Variants in ANKRD6 observed in about 807,000 individuals in gnomAD.
The protein encoded by ANKRD6 is ankyrin repeat domain 6.
In ANKRD6, 56 loss-of-function variants were observed where a neutral mutation model predicts 82.3. That is an observed-to-expected ratio of 0.68 (90% CI 0.55 to 0.85). The LOEUF is 0.85. ANKRD6 is among the 40% of genes least tolerant of loss of function. The probability of loss-of-function intolerance (pLI) is 0.00; values close to 1 mark genes in which losing one functional copy is unlikely to be tolerated. For missense variants in ANKRD6, 852 were observed against 907.6 expected, an observed-to-expected ratio of 0.94 and a Z score of 0.79; for synonymous variants, 347 against 352.1, an observed-to-expected ratio of 0.99 and a Z score of 0.16.
chr6:89,581,534 C>G (rs879277095), intron 2 of ANKRD6: 5 of 152,390 alleles, frequency 3.3e-5, no homozygotes, highest in Non-Finnish European at 5.9e-5. Flanking sequence ...ACCTTTCTAG[C>G]CTTCTCTCCA....
intron 2 of ANKRD6, among the ~76,000 whole-genome samples, chr6:89,572,157 T>A (rs561877037): frequency 6.6e-6 from 1 of 152,378 alleles, no homozygotes; most frequent in East Asian, 1.9e-4. Flanking sequence ...ATACTACAGT[T>A]TTGGAAGCAT....
chr6:89,445,735 C>T (rs1036954571), intron 1 of ANKRD6, among the ~76,000 whole-genome samples: 1 of 151,942 alleles, frequency 6.6e-6, no homozygotes, highest in Admixed American at 6.6e-5. Context: ...TAAGCCACTG[C>T]GCCTGGCTCA....
At chr6:89,570,066 T>TGTGTGC (rs1475395443) in intron 2 of ANKRD6, among the ~76,000 whole-genome samples, 1 of 149,252 alleles carries the variant, frequency 6.7e-6, no homozygotes, top group Non-Finnish European at 1.5e-5. Context: ...TGTGTATATG[T>TGTGTGC]GTGTGTGTGT....
chr6:89,522,622 G>A (rs896729785), intron 1 of ANKRD6, among the ~76,000 whole-genome samples: 2 of 152,162 alleles, frequency 1.3e-5, no homozygotes, highest in Non-Finnish European at 2.9e-5. Flanking sequence ...ATTTAGTTAA[G>A]CTTTGCTAAA....
intron 1 of ANKRD6, among the ~76,000 whole-genome samples, chr6:89,547,242 T>A (rs150668040): frequency 6.6e-6 from 1 of 151,838 alleles, no homozygotes; most frequent in East Asian, 1.9e-4. Flanking sequence ...TTGAGGCAGA[T>A]GTAGGGGGCA....
chr6:89,626,055 GC>G (rs1805568190), intron 13 of ANKRD6, among the ~76,000 whole-genome samples: 1 of 152,008 alleles, frequency 6.6e-6, no homozygotes, highest in Admixed American at 6.6e-5. Flanking sequence ...AAAAGTTTTT[GC>G]CAAATTGATT....
intron 2 of ANKRD6, chr6:89,581,658 G>A (rs980181145): frequency 3.9e-5 from 2 of 51,830 alleles, no homozygotes; most frequent in African/African-American, 4.8e-5. Context: ...AAAGGGAAAA[G>A]TGGGGGAGTG....
At chr6:89,471,225 G>A (rs574585825) in intron 1 of ANKRD6, among the ~76,000 whole-genome samples, 6 of 151,990 alleles carry the variant, frequency 3.9e-5, no homozygotes, top group African/African-American at 7.2e-5. Context: ...GGTGGCAGGC[G>A]CCTGTAATCC....
intron 1 of ANKRD6, chr6:89,483,557 C>T (rs1167569307): frequency 1.3e-5 from 2 of 152,268 alleles, no homozygotes; most frequent in Non-Finnish European, 2.9e-5. Flanking sequence ...AGGGAAGTCC[C>T]CGTAAGTATT....
intron 2 of ANKRD6, among the ~76,000 whole-genome samples, chr6:89,575,355 C>T (rs977157124): frequency 6.6e-6 from 1 of 152,036 alleles, no homozygotes; most frequent in African/African-American, 2.4e-5. Context: ...ATTGAGGGGC[C>T]AGAGATAGGA....
rs571955357 is a variant in ANKRD6 at position 89,440,899 on chromosome 6, T to G, written c.-144+7524T>G. ...ATGCCTGTTTCATTCCTTTGCATGGTGTCTATAGCTGCTTTCAACTGCTAT... is the reference window on the plus strand; with the variant it reads ...ATGCCTGTTTCATTCCTTTGCATGGGGTCTATAGCTGCTTTCAACTGCTAT... On this transcript the variant is annotated intron_variant, in intron 1 of 15. Transcript: ENST00000339746. Among the ~76,000 whole-genome samples the G allele has an allele frequency of 5.9e-5, 9 of 152,242 alleles. 1 individual carries two copies. In the South Asian group the frequency reaches 1.9e-3, roughly 32 times the overall value.
intron 3 of ANKRD6, among the ~76,000 whole-genome samples, chr6:89,597,663 G>A (rs1562974879): frequency 6.6e-6 from 1 of 152,228 alleles, no homozygotes; most frequent in Non-Finnish European, 1.5e-5. Flanking sequence ...CGTGTCAGCA[G>A]AAGAAAAGCC....
chr6:89,476,409 G>A (rs961052148), intron 1 of ANKRD6, among the ~76,000 whole-genome samples: 1 of 151,990 alleles, frequency 6.6e-6, no homozygotes, highest in Non-Finnish European at 1.5e-5. Flanking sequence ...GGCTGGTCTC[G>A]AACTCTTGAC....
At chr6:89,495,648 C>T (rs1170292238) in intron 1 of ANKRD6, among the ~76,000 whole-genome samples, 4 of 152,142 alleles carry the variant, frequency 2.6e-5, no homozygotes, top group African/African-American at 7.2e-5. Flanking sequence ...TTTTCTACTA[C>T]GGGATGAGAA....
At chr6:89,546,149 C>T (rs1343789980) in intron 1 of ANKRD6, among the ~76,000 whole-genome samples, 4 of 152,172 alleles carry the variant, frequency 2.6e-5, no homozygotes, top group Non-Finnish European at 5.9e-5. Flanking sequence ...ATAGTATGCT[C>T]AGTTTACAAA....
rs746040212 is a variant in ANKRD6 at position 89,630,889 on chromosome 6, C to A, written c.2069C>A (p.Ala690Glu). Residue 690 changes from alanine (A) to glutamate (E), a missense_variant, in exon 16 of 16, where the codon GCA (alanine) becomes GAA (glutamate). By Grantham distance (107) the Ala-to-Glu change is moderately radical. Transcript: ENST00000339746. ...EKWYERKIEEARSQANQKAQQ... is the reference protein window; with the variant it reads ...EKWYERKIEEERSQANQKAQQ... ...TGGTATGAAAGGAAGATTGAAGAAG[C>A]ACGAAGCCAAGCCAATCAGAAAGCC... 1 of 1,613,436 alleles carries A rather than the reference C, an allele frequency of 6.2e-7. No homozygotes were observed. Among genetic ancestry groups the A allele is most frequent in the Admixed American group, 1.7e-5 (1 of 59,966 alleles).
At chr6:89,514,245 G>C (rs1780929199) in intron 1 of ANKRD6, among the ~76,000 whole-genome samples, 1 of 152,104 alleles carries the variant, frequency 6.6e-6, no homozygotes, top group African/African-American at 2.4e-5. Context: ...GGGCATTGTG[G>C]CATGTACCCG....
chr6:89,516,814 T>A lies in ANKRD6; in HGVS notation c.-143-50020T>A, dbSNP rs1052410788. 3.2e-4 allele frequency among the ~76,000 whole-genome samples: 49 copies of A among 152,166 alleles called. 1 individual carries two copies. The highest frequency in any genetic ancestry group is 1.2e-3 in the African/African-American group (48 of 41,436). On this transcript the variant is annotated intron_variant, in intron 1 of 15. Transcript: ENST00000339746. Reference sequence around the variant, plus strand: ...TTCAATATCCATATCTATCTGTATATCTCCTATTTGTTCTGTTTCTCTGGA... The same window carrying A: ...TTCAATATCCATATCTATCTGTATAACTCCTATTTGTTCTGTTTCTCTGGA...
intron 3 of ANKRD6, among the ~76,000 whole-genome samples, chr6:89,600,049 A>T (rs1396367142): frequency 6.6e-6 from 1 of 152,052 alleles, no homozygotes; most frequent in Non-Finnish European, 1.5e-5. Flanking sequence ...GCAGCTTAGG[A>T]CACTATGTGT....
Sources: allele counts gnomAD v4.1 joint callset (sites outside exome capture counted in the v4.1 genomes callset), GRCh38; gene constraint gnomAD v4.1.1; transcripts MANE v1.5; gene names NCBI Gene and HGNC (gene_info 2026-07-23, HGNC 2026-07-21).